The following NTM variants were observed in gnomAD, a reference collection of about 807,000 sequenced individuals.
NTM encodes the protein IgLON family member 2.
Under a neutral mutation model 42.1 loss-of-function variants are expected in NTM, and 13 were observed. The observed-to-expected ratio is 0.31, with a 90% confidence interval of 0.20 to 0.49. The LOEUF is 0.49. NTM is among the 20% of genes least tolerant of loss of function. NTM has a pLI of 0.99. For missense variants in NTM, 373 were observed against 452.8 expected (o/e 0.82, Z 1.60); for synonymous variants, 187 against 179.2 (o/e 1.04, Z -0.35).
chr11:131,991,950 A>G (rs79399595), intron 2 of NTM, among the ~76,000 whole-genome samples: 7,286 of 152,242 alleles, frequency 0.048, 561 homozygotes, highest in African/African-American at 0.16. Context: ...GTCCGTGTTT[A>G]TTAATCTGCA....
chr11:131,798,160 T>C (rs2091779062), intron 1 of NTM, among the ~76,000 whole-genome samples: 1 of 152,064 alleles, frequency 6.6e-6, no homozygotes, highest in Admixed American at 6.5e-5. Flanking sequence ...CAGGGTAAAA[T>C]AAATTAACTG....
At chr11:132,210,778 A>T (rs967521047) in intron 3 of NTM, among the ~76,000 whole-genome samples, 1 of 152,230 alleles carries the variant, frequency 6.6e-6, no homozygotes, top group African/African-American at 2.4e-5. Context: ...GGCCCTATCC[A>T]GTCCTTGTGG....
intron 4 of NTM, among the ~76,000 whole-genome samples, chr11:132,259,401 G>A (rs1341372464): frequency 6.6e-6 from 1 of 152,056 alleles, no homozygotes; most frequent in African/African-American, 2.4e-5. Context: ...AGTTTTTTAG[G>A]CCAGGCTTGG....
chr11:131,734,165 C>T (rs2080104586), intron 1 of NTM, among the ~76,000 whole-genome samples: 1 of 152,094 alleles, frequency 6.6e-6, no homozygotes, highest in Non-Finnish European at 1.5e-5. Context: ...TCAATAGCTT[C>T]CCACCCATAA....
intron 1 of NTM, among the ~76,000 whole-genome samples, chr11:131,501,944 G>A: frequency 6.6e-6 from 1 of 152,264 alleles, no homozygotes; most frequent in South Asian, 2.1e-4. Context: ...TGGTATGAAA[G>A]TGTTAAGTTT....
In NTM at chr11:131,959,031, C is replaced by T. The variant is rs547869743; in HGVS notation, c.167+47383C>T. ...GGGTCAGAGATAAAAGACTTTGTTA[C>T]TCGTGGCACAGCAGGCAGCATGAGC... On this transcript the variant is annotated intron_variant, in intron 2 of 8. Coordinates refer to ENST00000683400, the MANE Select transcript of NTM (RefSeq NM_001352005.2). 2.6e-5 allele frequency among the ~76,000 whole-genome samples: 4 copies of T among 152,250 alleles called. No individual in the cohort carries two copies. The South Asian group carries it at 8.3e-4, about 32-fold the overall frequency.
At chr11:132,018,048 T>C (rs142496608) in intron 2 of NTM, among the ~76,000 whole-genome samples, 3 of 152,000 alleles carry the variant, frequency 2.0e-5, no homozygotes, top group African/African-American at 7.2e-5. Context: ...ATATCCAGAG[T>C]GTATCACCTG....
chr11:132,213,151 T>C (rs890456624), intron 4 of NTM, among the ~76,000 whole-genome samples: 1 of 152,190 alleles, frequency 6.6e-6, no homozygotes, highest in African/African-American at 2.4e-5. Flanking sequence ...TATGTGATTA[T>C]GTATGTATAT....
intron 1 of NTM, chr11:131,794,624 T>TGAAC: frequency 1.2e-6 from 1 of 832,700 alleles, no homozygotes; most frequent in Non-Finnish European, 1.3e-6. Flanking sequence ...GGATGAGTGT[T>TGAAC]GAATGAATGA....
At chr11:131,994,969 C>A (rs554372960) in intron 2 of NTM, among the ~76,000 whole-genome samples, 2 of 152,172 alleles carry the variant, frequency 1.3e-5, no homozygotes, top group South Asian at 2.1e-4. Flanking sequence ...TTTGTAATGT[C>A]TTTTATCTGC....
chr11:132,062,667 C>T (rs934814057), intron 2 of NTM, among the ~76,000 whole-genome samples: 6 of 152,106 alleles, frequency 3.9e-5, no homozygotes, highest in Non-Finnish European at 1.5e-5. Flanking sequence ...ATGTAGCCAG[C>T]CCTAACCAAA....
At chr11:132,177,897 G>C (rs1308611605) in intron 3 of NTM, among the ~76,000 whole-genome samples, 1 of 152,168 alleles carries the variant, frequency 6.6e-6, no homozygotes, top group African/African-American at 2.4e-5. Context: ...AAAATACAGG[G>C]ACACAGTCTT....
At chr11:132,296,161 G>A (rs569410494) in intron 4 of NTM, among the ~76,000 whole-genome samples, 5 of 152,284 alleles carry the variant, frequency 3.3e-5, no homozygotes, top group Admixed American at 6.5e-5. Flanking sequence ...TTCAGCCTGC[G>A]GTGTCTGGGA....
intron 1 of NTM, among the ~76,000 whole-genome samples, chr11:131,632,944 A>G (rs1179150019): frequency 1.3e-5 from 2 of 152,002 alleles, no homozygotes; most frequent in African/African-American, 4.8e-5. Flanking sequence ...AAGTGCTAGG[A>G]TTACAGGCGT....
At chr11:131,390,192 G>A (rs529569498) in intron 1 of NTM, among the ~76,000 whole-genome samples, 133 of 152,282 alleles carry the variant, frequency 8.7e-4, no homozygotes, top group Admixed American at 3.4e-3. Context: ...CATGTCACAT[G>A]GTAAAAGAGG....
intron 2 of NTM, among the ~76,000 whole-genome samples, chr11:132,050,939 A>T (rs1330446655): frequency 2.0e-5 from 3 of 152,116 alleles, no homozygotes; most frequent in Non-Finnish European, 4.4e-5. Flanking sequence ...TTGTAATAGG[A>T]ACTTGATAAA....
chr11:132,105,657 G>A (rs10791199), intron 2 of NTM, among the ~76,000 whole-genome samples: 79,604 of 151,872 alleles, frequency 0.52, 21,172 homozygotes, highest in Non-Finnish European at 0.54. Context: ...GCCAGACCAC[G>A]TGACTAATTG....
rs149746351 is a variant in NTM, at chr11:131,689,039, C to T, written c.83-222525C>T. 5.8e-3 allele frequency among the ~76,000 whole-genome samples: 881 copies of T among 151,382 alleles called. 9 individuals carry two copies. The highest frequency in any genetic ancestry group is 0.02 in the African/African-American group (828 of 40,652). On this transcript the variant is annotated intron_variant, in intron 1 of 8. Transcript: ENST00000683400. ...TTTTAATTTTACACGTGCATGCCTT[C>T]AGTGAAAACGAGAGCTACCAATAAA...
At chr11:132,323,572 T>G (rs1166847973) in intron 7 of NTM, among the ~76,000 whole-genome samples, 1 of 151,952 alleles carries the variant, frequency 6.6e-6, no homozygotes, top group African/African-American at 2.4e-5. Context: ...ACCAGATGGA[T>G]TCACAGCCGA....
Sources: allele counts gnomAD v4.1 joint callset (sites outside exome capture counted in the v4.1 genomes callset), GRCh38; gene constraint gnomAD v4.1.1; transcripts MANE v1.5; gene names NCBI Gene and HGNC (gene_info 2026-07-23, HGNC 2026-07-21).